Variants in KCNH6 observed in about 807,000 individuals in gnomAD.
KCNH6 encodes voltage-gated inwardly rectifying potassium channel KCNH6.
Under a neutral mutation model 83.4 loss-of-function variants are expected in KCNH6, and 81 were observed. The observed-to-expected ratio is 0.97, with a 90% CI of 0.81 to 1.17. The LOEUF is 1.17. Among genes scored for constraint, KCNH6 ranks in the 50% most tolerant of loss-of-function variants. The pLI is 0.00. For synonymous variants in KCNH6, 503 were observed against 545.6 expected (o/e 0.92, Z 1.09); for missense variants, 1,203 against 1,290.5 (o/e 0.93, Z 1.04).
At position 63,538,250 on chromosome 17, in the gene KCNH6, A is replaced by G. The variant is rs376964987; in HGVS notation, c.1687A>G (p.Ile563Val). Residue 563 changes from isoleucine (I) to valine (V), a missense_variant, in exon 7 of 13, where the codon ATT (isoleucine) becomes GTT (valine). Physicochemically the swap from Ile to Val is conservative, Grantham distance 29. Transcript: ENST00000314672. This position sits in a 1 kb window ranked among gnomAD's most constrained non-coding sequence, Gnocchi z 4.0. ...FQHAWSYTNGIDMNAVLKGFP... is the reference protein window; with the variant it reads ...FQHAWSYTNGVDMNAVLKGFP... Reference sequence around the variant, plus strand: ...GCACGCCTGGTCCTACACCAATGGCATTGACATGAACGCGGTGAGCCCCGC... The same window carrying G: ...GCACGCCTGGTCCTACACCAATGGCGTTGACATGAACGCGGTGAGCCCCGC... 35 of 1,614,046 alleles carry G rather than the reference A, an allele frequency of 2.2e-5. 1 individual carries two copies. The highest frequency in any genetic ancestry group is 4.4e-5 in the South Asian group (4 of 91,080).
In KCNH6 at chr17:63,535,974, C is replaced by T. The variant is rs932394924; in HGVS notation, c.1407C>T (p.Phe469=). ...VQDKYVTALY[F]TFSSLTSVGF... ...ACAAGTATGTCACAGCCCTCTACTTCACCTTCAGCAGCCTCACCAGCGTGG... is the reference window on the plus strand; with the variant it reads ...ACAAGTATGTCACAGCCCTCTACTTTACCTTCAGCAGCCTCACCAGCGTGG... Residue 469 remains phenylalanine, a synonymous_variant, in exon 6 of 13, where the codon TTC becomes TTT. Transcript: ENST00000314672. This position sits in a 1 kb window ranked among gnomAD's most constrained non-coding sequence, Gnocchi z 4.9. The T allele has an allele frequency of 6.2e-7, 1 of 1,613,886 alleles. No individual in the cohort carries two copies.
At chr17:63,544,735 C>T (rs893580075) in intron 11 of KCNH6, among the ~76,000 whole-genome samples, 1 of 152,136 alleles carries the variant, frequency 6.6e-6, no homozygotes, top group Non-Finnish European at 1.5e-5. Context: ...GGTTCAAATT[C>T]TGGCTCTGTT....
rs372901517 is a variant in KCNH6 at position 63,542,466 on chromosome 17, G to A, written c.2148+32G>A. On this transcript the variant is annotated intron_variant, in intron 9 of 12. Coordinates refer to ENST00000314672, the MANE Select transcript of KCNH6 (RefSeq NM_001278919.2). ...CAGGGCCAGGTGGGCCAGGGTGGGT[G>A]GAAATGCCCAGGCAGCCTGCCTGGC... 7.5e-6 allele frequency: 12 copies of A among 1,600,072 alleles called. No individual in the cohort carries two copies. The African/African-American group carries it at 1.5e-4, about 20-fold the overall frequency.
At position 63,535,905 on chromosome 17, in the gene KCNH6, G is replaced by A; in HGVS notation, c.1338G>A (p.Lys446=). 1 of 1,614,078 alleles carries A rather than the reference G, an allele frequency of 6.2e-7. No individual in the cohort carries two copies. Among genetic ancestry groups the A allele is most frequent in the Non-Finnish European group, 8.5e-7 (1 of 1,180,050 alleles). The change falls in exon 6 of 13, where the codon AAG becomes AAA. Residue 446 remains lysine (K), a synonymous_variant. Transcript: ENST00000314672. This position sits in a 1 kb window ranked among gnomAD's most constrained non-coding sequence, Gnocchi z 4.9. Reference sequence around the variant, plus strand: ...ACAGCCTGGGTGTGCAGCTTGGCAAGCGCTACAACGGCAGCGACCCAGCCT... The same window carrying A: ...ACAGCCTGGGTGTGCAGCTTGGCAAACGCTACAACGGCAGCGACCCAGCCT... The part of the protein sequence containing the change: ...WLDSLGVQLG[K]RYNGSDPASG...
Position 63,538,437 on chromosome 17 carries a change from C to T in KCNH6, c.1729C>T (p.Gln577Ter), listed in dbSNP as rs774318552. Residue 577 changes from glutamine (Q) to a stop codon, truncating the protein, a stop_gained, in exon 8 of 13, where the codon CAG (glutamine) becomes TAG (stop). Transcript: ENST00000314672. LOFTEE classifies it high-confidence loss of function. The surrounding 1 kb of genome is among the most constrained non-coding windows in gnomAD (Gnocchi z 4.0). ...AVLKGFPECL[Q>*]ADICLHLHRA... ...GCTGAAGGGCTTCCCCGAGTGCCTG[C>T]AGGCTGACATCTGCCTGCACCTGCA... 3.7e-6 allele frequency: 6 copies of T among 1,602,424 alleles called. No individual in the cohort carries two copies. The highest frequency in any genetic ancestry group is 5.1e-6 in the Non-Finnish European group (6 of 1,175,174).
chr17:63,524,949 G>A (rs1408894494), intron 2 of KCNH6, among the ~76,000 whole-genome samples: 1 of 152,136 alleles, frequency 6.6e-6, no homozygotes, highest in Non-Finnish European at 1.5e-5. Flanking sequence ...AGGAGCTGAA[G>A]ACAGATCTCA....
At chr17:63,545,021 G>C (rs1223696813) in intron 11 of KCNH6, 57 bp from the exon 12 acceptor site, 2 of 1,543,962 alleles carry the variant, frequency 1.3e-6, no homozygotes, top group East Asian at 2.2e-5. Context: ...ATTGACAGCT[G>C]CCCTCAGGAA....
chr17:63,529,516 A>G (rs2031939690), intron 2 of KCNH6, among the ~76,000 whole-genome samples: 1 of 152,168 alleles, frequency 6.6e-6, no homozygotes, highest in Non-Finnish European at 1.5e-5. Context: ...CCAGCCCTTG[A>G]AAGTCAGTTT....
downstream of KCNH6, chr17:63,548,972 A>T (rs2033199295): frequency 1.3e-5 from 2 of 152,070 alleles, no homozygotes; most frequent in African/African-American, 4.8e-5. Flanking sequence ...AAAATAAAAT[A>T]AAATTAAAAA....
chr17:63,523,553 T>A lies in KCNH6; in HGVS notation c.76+64T>A. 7.3e-7 allele frequency: 1 copy of A among 1,368,598 alleles called. No homozygotes were observed. Among genetic ancestry groups the A allele is most frequent in the African/African-American group, 1.5e-5 (1 of 68,470 alleles). 84.8% of individuals were successfully genotyped at this position (1,368,598 alleles called of 1,614,324 possible). ...GTCCTGGTTCCGTGAAAGGGGGGGC[T>A]GGACCCCTTTACTAACTTCTAACCG... On this transcript the variant is annotated intron_variant, in intron 1 of 12. Transcript: ENST00000314672. This position sits in a 1 kb window ranked among gnomAD's most constrained non-coding sequence, Gnocchi z 4.2.
At chr17:63,524,437 G>T in intron 2 of KCNH6, 68 bp downstream of exon 2, 2 of 1,434,450 alleles carry the variant, frequency 1.4e-6, no homozygotes, top group Non-Finnish European at 9.7e-7. Context: ...AGCCAGGGTG[G>T]CCTTGGGGAA....
intron 2 of KCNH6, among the ~76,000 whole-genome samples, chr17:63,528,569 G>A (rs998494725): frequency 2.6e-5 from 4 of 152,152 alleles, no homozygotes; most frequent in South Asian, 2.1e-4. Flanking sequence ...TCCCACCAGC[G>A]GCCGGCCTGC....
chr17:63,542,285 C>T lies in KCNH6; in HGVS notation c.1999C>T (p.Pro667Ser). Residue 667 changes from proline to serine, a missense_variant, in exon 9 of 13, where the codon CCA (proline) becomes TCA (serine). Transcript: ENST00000314672. The part of the protein sequence containing the change: ...FGEPVSLHAQ[P>S]GKSSADVRAL... The stretch of plus-strand genomic sequence containing the variant: ...GGAACCCGTCAGCCTCCATGCCCAG[C>T]CAGGCAAGTCCAGTGCAGACGTGCG... The T allele has an allele frequency of 1.2e-6, 2 of 1,614,122 alleles. No individual in the cohort carries two copies. Among genetic ancestry groups the T allele is most frequent in the Non-Finnish European group, 1.7e-6 (2 of 1,180,014 alleles).
chr17:63,524,139 G>T lies in KCNH6; in HGVS notation c.77G>T (p.Ser26Ile). 2 of 1,612,696 alleles carry T rather than the reference G, an allele frequency of 1.2e-6. No homozygotes were observed. Among genetic ancestry groups the T allele is most frequent in the East Asian group, 4.5e-5 (2 of 44,848 alleles). Residue 26 changes from serine (S) to isoleucine (I), a missense_variant and splice_region_variant, in exon 2 of 13, where the codon AGT becomes ATT. Coordinates refer to ENST00000314672, the MANE Select transcript of KCNH6 (RefSeq NM_001278919.2). ...TTTTGCCTCCCACCTCCCACCCCAGGTCGGAAGTTCCTGATTGCCAATGCT... is the reference window on the plus strand; with the variant it reads ...TTTTGCCTCCCACCTCCCACCCCAGTTCGGAAGTTCCTGATTGCCAATGCT... Reference protein sequence around the residue: ...DTIIRKFEGQSRKFLIANAQM... With the variant: ...DTIIRKFEGQIRKFLIANAQM...
chr17:63,540,605 G>C (rs572069761), intron 8 of KCNH6, among the ~76,000 whole-genome samples: 1 of 152,208 alleles, frequency 6.6e-6, no homozygotes, highest in South Asian at 2.1e-4. Context: ...TTATAATGTT[G>C]CCCAGATTTC....
intron 2 of KCNH6, among the ~76,000 whole-genome samples, chr17:63,524,743 C>A (rs536297398): frequency 6.6e-6 from 1 of 152,298 alleles, no homozygotes; most frequent in African/African-American, 2.4e-5. Context: ...GGAGGAGTCA[C>A]CTCCTGAAGA....
chr17:63,527,510 G>A (rs960909861), intron 2 of KCNH6, among the ~76,000 whole-genome samples: 7 of 152,196 alleles, frequency 4.6e-5, no homozygotes, highest in African/African-American at 1.7e-4. Flanking sequence ...GAAGTGGGGT[G>A]CCTTTGCTAA....
Position 63,523,515 on chromosome 17 carries a change from G to T in KCNH6, c.76+26G>T. The T allele has an allele frequency of 6.3e-7, 1 of 1,588,408 alleles. No individual in the cohort carries two copies. Among genetic ancestry groups the T allele is most frequent in the Non-Finnish European group, 8.6e-7 (1 of 1,166,338 alleles). ...GTGAGTGTGTGTATGTTGGGGCGGG[G>T]GGACGATCTGGAGTCCTGGTTCCGT... On this transcript the variant is annotated intron_variant, in intron 1 of 12. Coordinates refer to ENST00000314672, the MANE Select transcript of KCNH6 (RefSeq NM_001278919.2). This position sits in a 1 kb window ranked among gnomAD's most constrained non-coding sequence, Gnocchi z 4.2.
Position 63,538,045 on chromosome 17 carries a change from A to G in KCNH6, c.1502-20A>G, listed in dbSNP as rs1454874701. ...GCCCAGTGGGGCCGCGGAGGAGCTCACTCTCCGCCCCGCCCCCAGCCCTGA... is the reference window on the plus strand; with the variant it reads ...GCCCAGTGGGGCCGCGGAGGAGCTCGCTCTCCGCCCCGCCCCCAGCCCTGA... On this transcript the variant is annotated intron_variant, in intron 6 of 12. Coordinates refer to ENST00000314672, the MANE Select transcript of KCNH6 (RefSeq NM_001278919.2). This position sits in a 1 kb window ranked among gnomAD's most constrained non-coding sequence, Gnocchi z 4.0. The G allele has an allele frequency of 1.2e-6, 2 of 1,608,432 alleles. No homozygotes were observed. The highest frequency in any genetic ancestry group is 2.2e-5 in the East Asian group (1 of 44,644).
Sources: gnomAD v4.1 joint callset for allele counts (sites outside exome capture counted in the v4.1 genomes callset) on GRCh38, gnomAD v4.1.1 for gene constraint, Gnocchi (gnomAD v3.1) non-coding constraint, MANE v1.5 for transcripts, NCBI Gene and HGNC (gene_info 2026-07-23, HGNC 2026-07-21) for gene names.